The following SLC36A4 variants were observed in gnomAD, a reference collection of about 807,000 sequenced individuals.
SLC36A4 encodes solute carrier family 36 member 4.
SLC36A4 carries 49 observed loss-of-function variants against 50.5 expected under a neutral mutation model. That is an observed-to-expected ratio of 0.97 (90% CI 0.77 to 1.23). The LOEUF (loss-of-function observed/expected upper bound fraction) is 1.23, where lower values mean the gene tolerates loss of function less well. SLC36A4 is among the 50% of genes most tolerant of loss of function. The pLI, the probability that SLC36A4 is intolerant of heterozygous loss-of-function variation, is 0.00. For missense variants in SLC36A4, 611 were observed against 608.4 expected (o/e 1.00, Z -0.05); for synonymous variants, 207 against 206.5 (o/e 1.00, Z -0.02).
intron 6 of SLC36A4, among the ~76,000 whole-genome samples, chr11:93,178,770 C>CT (rs1861606487): frequency 6.6e-6 from 1 of 152,192 alleles, no homozygotes; most frequent in African/African-American, 2.4e-5. Flanking sequence ...AAAGCATTCC[C>CT]TCTGAGAACT....
Position 93,162,745 on chromosome 11 carries a change from AT to A in SLC36A4, c.997del (p.Ile333SerfsTer5). 6.2e-7 allele frequency: 1 copy of A among 1,612,744 alleles called. No homozygotes were observed. The highest frequency in any genetic ancestry group is 8.5e-7 in the Non-Finnish European group (1 of 1,179,566). The stretch of plus-strand genomic sequence containing the variant: ...AAGATTTAAAGTTATGCTGCCTTTG[AT>A]TTCATCATGGAAACACATATATCCT... ...TLGYMCFHDE[I>X]KGSITLNLPQ... On this transcript the variant is annotated frameshift_variant, in exon 9 of 11. Transcript: ENST00000326402. LOFTEE classifies it high-confidence loss of function.
At chr11:93,190,357 T>A (rs1474007568) in intron 1 of SLC36A4, among the ~76,000 whole-genome samples, 2 of 152,116 alleles carry the variant, frequency 1.3e-5, no homozygotes, top group Non-Finnish European at 2.9e-5. Context: ...TCAAAATAAC[T>A]AGAGAAATGG....
At chr11:93,186,047 T>G (rs746333384) in intron 1 of SLC36A4, among the ~76,000 whole-genome samples, 22 of 152,220 alleles carry the variant, frequency 1.4e-4, no homozygotes, top group Admixed American at 3.3e-4. Context: ...GCTTAAATAT[T>G]AAATGCAAAA....
At chr11:93,159,081 C>G (rs1860502074) in intron 9 of SLC36A4, among the ~76,000 whole-genome samples, 1 of 152,032 alleles carries the variant, frequency 6.6e-6, no homozygotes, top group Non-Finnish European at 1.5e-5. Context: ...ATAGGTAATT[C>G]TTAGAAACTA....
At chr11:93,193,548 C>G (rs1047805897) in intron 1 of SLC36A4, among the ~76,000 whole-genome samples, 1 of 152,078 alleles carries the variant, frequency 6.6e-6, no homozygotes, top group African/African-American at 2.4e-5. Flanking sequence ...ATAAGAAACA[C>G]TAGCTTGATT....
At chr11:93,176,201 A>T (rs1226712395) in intron 6 of SLC36A4, among the ~76,000 whole-genome samples, 1 of 152,072 alleles carries the variant, frequency 6.6e-6, no homozygotes, top group Non-Finnish European at 1.5e-5. Flanking sequence ...ACCACTATGT[A>T]ATGGCCTTCT....
intron 6 of SLC36A4, among the ~76,000 whole-genome samples, chr11:93,172,277 T>C (rs1010058164): frequency 2.0e-5 from 3 of 152,076 alleles, no homozygotes; most frequent in Non-Finnish European, 4.4e-5. Flanking sequence ...CCATAAATTA[T>C]TGGGGTACAG....
Position 93,165,930 on chromosome 11 carries a change from T to C in SLC36A4, c.855A>G (p.Glu285=). 6.2e-7 allele frequency: 1 copy of C among 1,605,202 alleles called. No homozygotes were observed. Among genetic ancestry groups the C allele is most frequent in the South Asian group, 1.1e-5 (1 of 89,654 alleles). The part of the protein sequence containing the change: ...LFFGTAVFAF[E]GIGVVLPLEN... ...ACTAAATTCTTACCACTCCTATGCCTTCAAAAGCAAATACAGCAGTACCAA... is the reference window on the plus strand; with the variant it reads ...ACTAAATTCTTACCACTCCTATGCCCTCAAAAGCAAATACAGCAGTACCAA... The change falls in exon 8 of 11, where the codon GAA becomes GAG. Residue 285 remains glutamate, a synonymous_variant. Transcript: ENST00000326402.
rs1296501255 is a variant in SLC36A4, at chr11:93,154,246, A to T, written c.1069T>A (p.Phe357Ile). The change falls in exon 10 of 11, where the codon TTT becomes ATT. Residue 357 changes from phenylalanine (F) to isoleucine (I), a missense_variant. Phe to Ile is a conservative substitution (Grantham distance 21, BLOSUM62 0). Transcript: ENST00000326402. ...LYQSVKILYSFGIFVTYSIQF... is the reference protein window; with the variant it reads ...LYQSVKILYSIGIFVTYSIQF... The stretch of plus-strand genomic sequence containing the variant: ...ATTGAATATGTCACAAAAATGCCAA[A>T]GGAATATAGAATTTTCACTGATTGA... 1 of 1,474,252 alleles carries T rather than the reference A, an allele frequency of 6.8e-7. No homozygotes were observed. Among genetic ancestry groups the T allele is most frequent in the Non-Finnish European group, 9.0e-7 (1 of 1,107,908 alleles). The allele number at this position is 1,474,252 out of a possible 1,614,324, so 91.3% of individuals were successfully genotyped here.
At chr11:93,170,296 C>G (rs553459408) in intron 6 of SLC36A4, 1 of 151,872 alleles carries the variant, frequency 6.6e-6, no homozygotes, top group Non-Finnish European at 1.5e-5. Context: ...TAAAATCCAC[C>G]ACTTATTAAC....
intron 6 of SLC36A4, among the ~76,000 whole-genome samples, chr11:93,175,525 T>G (rs1266792035): frequency 2.0e-5 from 3 of 148,552 alleles, no homozygotes; most frequent in Non-Finnish European, 3.0e-5. Flanking sequence ...TTCTAGTTCT[T>G]TTAATTGTGA....
chr11:93,147,072 T>C lies in SLC36A4; in HGVS notation c.*1465A>G, dbSNP rs1019536835. The C allele has an allele frequency of 2.0e-5, 3 of 152,268 alleles. No individual in the cohort carries two copies. Among genetic ancestry groups the C allele is most frequent in the African/African-American group, 7.2e-5 (3 of 41,564 alleles). The allele number at this position is 152,268 out of a possible 1,614,324, so 9.4% of individuals were successfully genotyped here. ...AGCTTACCACAGCCTGAAACTTTTGTGCTCGAGGGATCCTCCTGCTTCAGC... is the reference window on the plus strand; with the variant it reads ...AGCTTACCACAGCCTGAAACTTTTGCGCTCGAGGGATCCTCCTGCTTCAGC... On this transcript the variant is annotated 3_prime_UTR_variant, in exon 11 of 11. Coordinates refer to ENST00000326402, the MANE Select transcript of SLC36A4 (RefSeq NM_152313.4).
intron 4 of SLC36A4, among the ~76,000 whole-genome samples, 170 bp from the exon 5 acceptor site, chr11:93,181,956 C>G (rs890322817): frequency 6.6e-6 from 1 of 152,026 alleles, no homozygotes; most frequent in Non-Finnish European, 1.5e-5. Flanking sequence ...AAGCATGCCT[C>G]ATAAAGTTTT....
chr11:93,149,440 T>G (rs996414794), intron 10 of SLC36A4, among the ~76,000 whole-genome samples: 1 of 151,936 alleles, frequency 6.6e-6, no homozygotes, highest in African/African-American at 2.4e-5. Flanking sequence ...AACTAGTAGC[T>G]TTACAGTGGA....
At chr11:93,178,061 C>A (rs912864293) in intron 6 of SLC36A4, among the ~76,000 whole-genome samples, 1 of 152,182 alleles carries the variant, frequency 6.6e-6, no homozygotes, top group Admixed American at 6.5e-5. Context: ...CCTACTCAAG[C>A]CTCAGCAATG....
chr11:93,149,149 C>T (rs1859962514), intron 10 of SLC36A4, among the ~76,000 whole-genome samples: 1 of 152,024 alleles, frequency 6.6e-6, no homozygotes, highest in Non-Finnish European at 1.5e-5. Flanking sequence ...ATTTCCAGAG[C>T]ATTTGCATTA....
At chr11:93,187,014 T>C (rs1862011698) in intron 1 of SLC36A4, among the ~76,000 whole-genome samples, 1 of 152,112 alleles carries the variant, frequency 6.6e-6, no homozygotes, top group African/African-American at 2.4e-5. Flanking sequence ...CTCAGGAGGG[T>C]CTCATGGGCA....
chr11:93,174,242 T>C (rs1010583335), intron 6 of SLC36A4, among the ~76,000 whole-genome samples: 1 of 138,360 alleles, frequency 7.2e-6, no homozygotes, highest in African/African-American at 2.6e-5. Context: ...GATTTCGCTC[T>C]CTGTTTGTCT....
intron 9 of SLC36A4, chr11:93,160,996 T>A (rs1256251959): frequency 6.5e-6 from 1 of 154,494 alleles, no homozygotes; most frequent in Non-Finnish European, 1.4e-5. Context: ...TGTGCCACCA[T>A]GCCTGGCTAA....
Sources: allele counts gnomAD v4.1 joint callset (sites outside exome capture counted in the v4.1 genomes callset), GRCh38; gene constraint gnomAD v4.1.1; transcripts MANE v1.5; gene names NCBI Gene and HGNC (gene_info 2026-07-23, HGNC 2026-07-21).